LINC00305: variants seen among roughly 807,000 people sequenced by gnomAD.
LINC00305 encodes long intergenic non-protein coding RNA 305.
intron 3 of LINC00305, among the ~76,000 whole-genome samples, chr18:64,097,469 A>G (rs1022538531): frequency 8.5e-5 from 13 of 152,160 alleles, no homozygotes; most frequent in African/African-American, 3.1e-4. Context: ...TTTGGAGGGA[A>G]ACAATAATGT....
At chr18:64,120,584 A>C (rs1327818440) in intron 1 of LINC00305, among the ~76,000 whole-genome samples, 1 of 152,028 alleles carries the variant, frequency 6.6e-6, no homozygotes, top group Non-Finnish European at 1.5e-5. Context: ...GTCTGGAGGA[A>C]ATTTCAGATG....
intron 3 of LINC00305, among the ~76,000 whole-genome samples, chr18:64,090,269 C>CA: frequency 6.6e-6 from 1 of 152,064 alleles, no homozygotes; most frequent in East Asian, 1.9e-4. Context: ...GAATAGTTGC[C>CA]AAGCACAGAA....
chr18:64,134,297 C>T (rs1424676945), intron 1 of LINC00305, among the ~76,000 whole-genome samples: 1 of 152,106 alleles, frequency 6.6e-6, no homozygotes, highest in African/African-American at 2.4e-5. Context: ...GAAAAAAGTT[C>T]TTATTAGCAG....
chr18:64,107,304 G>A (rs774955034), intron 1 of LINC00305, among the ~76,000 whole-genome samples: 24 of 152,232 alleles, frequency 1.6e-4, no homozygotes, highest in African/African-American at 2.4e-4. Flanking sequence ...CATGTGCTAC[G>A]AAACACTGGG....
Position 64,082,356 on chromosome 18 carries a change from C to CA in LINC00305, n.541-1955dup, listed in dbSNP as rs111355127. The stretch of plus-strand genomic sequence containing the variant: ...AGCCCCAGTGATTTCATCCATGGCC[C>CA]AACCAATCAGCACTCCCCACTCCTG... On this transcript the variant is annotated intron_variant and non_coding_transcript_variant, in intron 3 of 3. Transcript: ENST00000666468. 5.2e-3 allele frequency among the ~76,000 whole-genome samples: 792 copies of CA among 152,140 alleles called. 4 individuals are homozygous for CA. Among genetic ancestry groups the CA allele is most frequent in the African/African-American group, 0.018 (735 of 41,498 alleles).
At chr18:64,115,005 G>T (rs779686882) in intron 1 of LINC00305, among the ~76,000 whole-genome samples, 2 of 152,174 alleles carry the variant, frequency 1.3e-5, no homozygotes, top group African/African-American at 2.4e-5. Flanking sequence ...CTCCATGCAG[G>T]GCTGGGGTGA....
At chr18:64,122,516 G>A (rs1213151850) in intron 1 of LINC00305, among the ~76,000 whole-genome samples, 1 of 151,724 alleles carries the variant, frequency 6.6e-6, no homozygotes, top group Non-Finnish European at 1.5e-5. Context: ...TTTATTCCTG[G>A]GATGTTTATT....
intron 3 of LINC00305, among the ~76,000 whole-genome samples, chr18:64,091,689 T>C (rs192736425): frequency 6.6e-6 from 1 of 152,342 alleles, no homozygotes; most frequent in East Asian, 1.9e-4. Flanking sequence ...GGTGCTAACA[T>C]AAAATCTGCT....
In LINC00305 at chr18:64,126,212, A is replaced by G. The variant is rs573196356; in HGVS notation, n.314+22563T>C. On this transcript the variant is annotated intron_variant and non_coding_transcript_variant, in intron 1 of 3. Coordinates refer to ENST00000666468, the Ensembl canonical transcript of LINC00305. Reference sequence around the variant, plus strand: ...CTTCTTGAATCTTCCCTCTGTTCCAATTATCATTCATACAGTTGAAGTAAT... The same window carrying G: ...CTTCTTGAATCTTCCCTCTGTTCCAGTTATCATTCATACAGTTGAAGTAAT... Among the ~76,000 whole-genome samples, 7 of 152,140 alleles carry G rather than the reference A, an allele frequency of 4.6e-5. No individual in the cohort carries two copies. In the South Asian group the frequency reaches 1.5e-3, roughly 32 times the overall value.
chr18:64,094,306 A>G (rs2850717), intron 3 of LINC00305, among the ~76,000 whole-genome samples: 51,009 of 152,128 alleles, frequency 0.34, 10,298 homozygotes, highest in African/African-American at 0.57. Context: ...CCCCTTCTGA[A>G]AAGATGATAC....
intron 3 of LINC00305, among the ~76,000 whole-genome samples, chr18:64,083,706 G>A (rs375284634): frequency 6.6e-6 from 1 of 152,128 alleles, no homozygotes; most frequent in Non-Finnish European, 1.5e-5. Flanking sequence ...AGTAGAGCAT[G>A]AGTGGATCCT....
rs1046031627 is a variant in LINC00305, at chr18:64,105,836, T to A, written n.315-7196A>T. On this transcript the variant is annotated intron_variant and non_coding_transcript_variant, in intron 1 of 3. Transcript: ENST00000666468. Reference sequence around the variant, plus strand: ...ACCTGGTTAGTAGGTGAGAGAAGCATCACAATTTCCAGTAACTCACAGTTA... The same window carrying A: ...ACCTGGTTAGTAGGTGAGAGAAGCAACACAATTTCCAGTAACTCACAGTTA... Among the ~76,000 whole-genome samples the A allele has an allele frequency of 3.3e-5, 5 of 152,292 alleles. 1 individual carries two copies. Among genetic ancestry groups the A allele is most frequent in the Admixed American group, 2.0e-4 (3 of 15,288 alleles).
At chr18:64,080,372 T>C (rs1199805817) in exon 4 of LINC00305, 6 of 457,464 alleles carry the variant, frequency 1.3e-5, no homozygotes, top group Non-Finnish European at 2.6e-5. Flanking sequence ...AGGTCTCTGG[T>C]TGTAACCTTT....
intron 1 of LINC00305, among the ~76,000 whole-genome samples, chr18:64,128,835 C>T (rs1037532033): frequency 1.3e-5 from 2 of 152,102 alleles, no homozygotes; most frequent in South Asian, 2.1e-4. Flanking sequence ...AAAGAAATAA[C>T]CCTGACACAG....
At chr18:64,129,764 A>G (rs994485407) in intron 1 of LINC00305, among the ~76,000 whole-genome samples, 13 of 152,084 alleles carry the variant, frequency 8.5e-5, no homozygotes, top group African/African-American at 3.1e-4. Flanking sequence ...GACAATTGCA[A>G]TCTTTCCAAC....
intron 1 of LINC00305, among the ~76,000 whole-genome samples, chr18:64,143,770 GCGTACATGTATGTACACATATTA>G (rs1402232888): frequency 6.7e-6 from 1 of 149,604 alleles, no homozygotes; most frequent in Non-Finnish European, 1.5e-5. Context: ...CACATATTAT[GCGTACATGTATGTACACATATTA>G]TGCGTACATG....
At chr18:64,097,878 GTCT>G (rs1218117621) in exon 3 of LINC00305, 1 of 458,030 alleles carries the variant, frequency 2.2e-6, no homozygotes, top group Admixed American at 2.3e-5. Flanking sequence ...TCTAACCACT[GTCT>G]TCTGACGCTT....
chr18:64,086,344 TG>T (rs1296906163), intron 3 of LINC00305, among the ~76,000 whole-genome samples: 19 of 152,320 alleles, frequency 1.2e-4, no homozygotes, highest in African/African-American at 4.6e-4. Context: ...TCAAAATATA[TG>T]TCATATCAAA....
chr18:64,088,260 A>C lies in LINC00305; in HGVS notation n.541-7858T>G, dbSNP rs113292791. ...TCTCAACTCTTTCTTTTCCCTCACC[A>C]GTTGACCAATAATTTCATATGACCT... On this transcript the variant is annotated intron_variant and non_coding_transcript_variant, in intron 3 of 3. Coordinates refer to ENST00000666468, the Ensembl canonical transcript of LINC00305. Among the ~76,000 whole-genome samples, 524 of 152,312 alleles carry C rather than the reference A, an allele frequency of 3.4e-3. 5 individuals carry two copies. Among genetic ancestry groups the C allele is most frequent in the African/African-American group, 0.012 (492 of 41,564 alleles).
Sources: allele counts gnomAD v4.1 joint callset (sites outside exome capture counted in the v4.1 genomes callset), GRCh38; gene constraint gnomAD v4.1.1; transcripts MANE v1.5; gene names NCBI Gene and HGNC (gene_info 2026-07-23, HGNC 2026-07-21).